The following NXPH1 variants were observed in gnomAD, a reference collection of about 807,000 sequenced individuals.
The protein encoded by NXPH1 is neurexophilin-1.
Under a neutral mutation model 23.7 loss-of-function variants are expected in NXPH1, and 5 were observed. The observed-to-expected ratio is 0.21, with a 90% CI of 0.11 to 0.44. NXPH1 has a LOEUF of 0.44. Among genes scored for constraint, NXPH1 ranks in the 20% least tolerant of loss-of-function variants. The pLI is 0.99. For missense variants in NXPH1, 324 were observed against 321.6 expected (o/e 1.01, Z -0.06); for synonymous variants, 144 against 122.2 (o/e 1.18, Z -1.18).
At chr7:8,493,329 C>T (rs148700225) in intron 2 of NXPH1, among the ~76,000 whole-genome samples, 78 of 152,126 alleles carry the variant, frequency 5.1e-4, no homozygotes, top group African/African-American at 1.7e-3. Flanking sequence ...TATTTCATCA[C>T]GGCTGGAGGA....
chr7:8,746,378 A>G (rs1169828257), intron 2 of NXPH1, among the ~76,000 whole-genome samples: 1 of 152,186 alleles, frequency 6.6e-6, no homozygotes, highest in East Asian at 1.9e-4. Flanking sequence ...CCACACTGAG[A>G]TGTTCCAGAG....
intron 2 of NXPH1, among the ~76,000 whole-genome samples, chr7:8,724,055 A>G (rs536516051): frequency 2.0e-5 from 3 of 152,204 alleles, no homozygotes; most frequent in Non-Finnish European, 4.4e-5. Flanking sequence ...TTCTCTCAGG[A>G]ATAGGGCCCA....
At chr7:8,479,897 G>A (rs1209619947) in intron 2 of NXPH1, among the ~76,000 whole-genome samples, 3 of 152,134 alleles carry the variant, frequency 2.0e-5, no homozygotes, top group Non-Finnish European at 2.9e-5. Flanking sequence ...TTCAGAAGAC[G>A]CAAGAGAACT....
intron 2 of NXPH1, among the ~76,000 whole-genome samples, chr7:8,661,812 T>C (rs116117053): frequency 3.7e-4 from 57 of 152,206 alleles, no homozygotes; most frequent in African/African-American, 1.1e-3. Context: ...TCTTCTGTTA[T>C]ATAAAAATTT....
intron 2 of NXPH1, among the ~76,000 whole-genome samples, chr7:8,628,600 G>T (rs933700963): frequency 2.0e-5 from 3 of 151,248 alleles, no homozygotes; most frequent in Non-Finnish European, 4.4e-5. Context: ...AAAAAAAAAA[G>T]AACTGGGGGG....
intron 2 of NXPH1, among the ~76,000 whole-genome samples, chr7:8,498,425 A>G (rs1291729221): frequency 1.3e-5 from 2 of 152,064 alleles, no homozygotes; most frequent in African/African-American, 4.8e-5. Context: ...CTACTGGTTT[A>G]TCAGTCCCTC....
intron 2 of NXPH1, among the ~76,000 whole-genome samples, chr7:8,613,672 T>C (rs1442241584): frequency 6.6e-6 from 1 of 152,002 alleles, no homozygotes; most frequent in Non-Finnish European, 1.5e-5. Flanking sequence ...GGATAAATTT[T>C]ATTTTATTTA....
At chr7:8,451,124 T>C (rs181967707) in intron 2 of NXPH1, among the ~76,000 whole-genome samples, 3 of 151,758 alleles carry the variant, frequency 2.0e-5, no homozygotes, top group East Asian at 1.9e-4. Context: ...TTTTTTTTTT[T>C]CAACTATCAT....
At chr7:8,469,505 T>A (rs1273179378) in intron 2 of NXPH1, among the ~76,000 whole-genome samples, 2 of 152,084 alleles carry the variant, frequency 1.3e-5, no homozygotes, top group Non-Finnish European at 2.9e-5. Flanking sequence ...CTTTTCTAAG[T>A]CCTGAACAAT....
In NXPH1 at chr7:8,435,859, G is replaced by A. The variant is rs942032186; in HGVS notation, c.54+92G>A. On this transcript the variant is annotated intron_variant, in intron 2 of 2. Transcript: ENST00000405863. The surrounding 1 kb of genome is among the most constrained non-coding windows in gnomAD (Gnocchi z 5.9). The stretch of plus-strand genomic sequence containing the variant: ...ACGCGGGAGAAGGGTTACGCCGCCA[G>A]TTCAGTGAGAGCAGCTTCCTAGCAG... The A allele has an allele frequency of 8.4e-6, 10 of 1,184,442 alleles. No homozygotes were observed. In the African/African-American group the frequency reaches 1.4e-4, roughly 16 times the overall value. 73.4% of individuals were successfully genotyped at this position (1,184,442 alleles called of 1,614,324 possible).
At chr7:8,590,313 A>G (rs1819065422) in intron 2 of NXPH1, among the ~76,000 whole-genome samples, 1 of 152,030 alleles carries the variant, frequency 6.6e-6, no homozygotes, top group South Asian at 2.1e-4. Context: ...CCAGGTAAAG[A>G]CTTGTTTTAA....
chr7:8,645,469 C>G (rs543023120), intron 2 of NXPH1, among the ~76,000 whole-genome samples: 9 of 151,906 alleles, frequency 5.9e-5, no homozygotes, highest in Non-Finnish European at 1.3e-4. Flanking sequence ...GTGATATTCT[C>G]CTTTATATTA....
At chr7:8,669,401 G>T (rs377200242) in intron 2 of NXPH1, among the ~76,000 whole-genome samples, 1 of 152,166 alleles carries the variant, frequency 6.6e-6, no homozygotes, top group African/African-American at 2.4e-5. Context: ...CTAGGGATGT[G>T]GGGGCTGGCC....
intron 2 of NXPH1, among the ~76,000 whole-genome samples, chr7:8,494,827 A>G (rs1039655186): frequency 5.9e-5 from 9 of 152,066 alleles, no homozygotes; most frequent in African/African-American, 2.2e-4. Flanking sequence ...TCTAGCTTTT[A>G]TGGGCACAGA....
At chr7:8,616,627 G>A (rs1469030585) in intron 2 of NXPH1, among the ~76,000 whole-genome samples, 3 of 152,030 alleles carry the variant, frequency 2.0e-5, no homozygotes, top group African/African-American at 7.2e-5. Flanking sequence ...CGAAGCATAT[G>A]TAAGGGCCCC....
chr7:8,501,223 C>A (rs1412333757), intron 2 of NXPH1, among the ~76,000 whole-genome samples: 1 of 152,038 alleles, frequency 6.6e-6, no homozygotes, highest in African/African-American at 2.4e-5. Flanking sequence ...TATCAGTTCT[C>A]ACCAATGAAT....
At chr7:8,612,737 C>T (rs945676116) in intron 2 of NXPH1, among the ~76,000 whole-genome samples, 2 of 152,028 alleles carry the variant, frequency 1.3e-5, no homozygotes, top group African/African-American at 2.4e-5. Flanking sequence ...TCATTATACC[C>T]TTTTCCTGGC....
Position 8,620,723 on chromosome 7 carries a change from T to C in NXPH1, c.55-130285T>C, listed in dbSNP as rs115314119. Among the ~76,000 whole-genome samples the C allele has an allele frequency of 7.5e-3, 1,141 of 152,308 alleles. 12 individuals are homozygous for C. The highest frequency in any genetic ancestry group is 0.026 in the African/African-American group (1,071 of 41,558). ...TTTAGAATTATACGAACCAATACAT[T>C]TCTCCTTTCCTTAAAATGATTAGAT... On this transcript the variant is annotated intron_variant, in intron 2 of 2. Coordinates refer to ENST00000405863, the MANE Select transcript of NXPH1 (RefSeq NM_152745.3).
intron 2 of NXPH1, among the ~76,000 whole-genome samples, chr7:8,619,144 C>T (rs936753095): frequency 3.3e-5 from 5 of 152,194 alleles, no homozygotes; most frequent in East Asian, 1.9e-4. Flanking sequence ...GTACCCTTGG[C>T]GAACGTTTCT....
Sources: allele counts gnomAD v4.1 joint callset (sites outside exome capture counted in the v4.1 genomes callset), GRCh38; gene constraint gnomAD v4.1.1; non-coding constraint Gnocchi (gnomAD v3.1); transcripts MANE v1.5; gene names NCBI Gene and HGNC (gene_info 2026-07-23, HGNC 2026-07-21).